The following CHD5 variants were observed in gnomAD, a reference collection of about 807,000 sequenced individuals.
CHD5 encodes ATP-dependent chromatin remodeler CHD5.
Under a neutral mutation model 230.3 loss-of-function variants are expected in CHD5, and 69 were observed. The observed-to-expected ratio is 0.30, with a 90% CI of 0.25 to 0.37. The LOEUF (loss-of-function observed/expected upper bound fraction) is 0.37, where lower values mean the gene tolerates loss of function less well. Among genes scored for constraint, CHD5 ranks in the 10% least tolerant of loss-of-function variants. CHD5 has a pLI of 1.00. For synonymous variants in CHD5, 1,064 were observed against 1,065.9 expected, an observed-to-expected ratio of 1.00 and a Z score of 0.03; for missense variants, 1,827 against 2,622.8, an observed-to-expected ratio of 0.70 and a Z score of 6.63.
chr1:6,147,445 A>G (rs997254416), intron 9 of CHD5, among the ~76,000 whole-genome samples: 2 of 152,146 alleles, frequency 1.3e-5, no homozygotes, highest in African/African-American at 4.8e-5. Flanking sequence ...CCACAGACAC[A>G]CTGCAGGGGC....
intron 33 of CHD5, among the ~76,000 whole-genome samples, chr1:6,120,097 G>A (rs1666445537): frequency 6.6e-6 from 1 of 152,050 alleles, no homozygotes; most frequent in South Asian, 2.1e-4. Flanking sequence ...CTGACCTCAG[G>A]TAATTCACCT....
chr1:6,136,116 G>A (rs1666742891), intron 17 of CHD5, among the ~76,000 whole-genome samples: 1 of 152,180 alleles, frequency 6.6e-6, no homozygotes, highest in African/African-American at 2.4e-5. Context: ...GGAGGTAGGT[G>A]AAGATGAGGG....
Position 6,128,669 on chromosome 1 carries a change from GCAGTGCCCAGAGACA to G in CHD5, c.3620-75_3620-61del. 6.9e-7 allele frequency: 1 copy of G among 1,441,804 alleles called. No individual in the cohort carries two copies. The highest frequency in any genetic ancestry group is 9.7e-7 in the Non-Finnish European group (1 of 1,030,584). The allele number at this position is 1,441,804 out of a possible 1,614,324, so 89.3% of individuals were successfully genotyped here. A position where few individuals can be genotyped will look rare whatever the true frequency, so the allele number is the denominator to read the frequency against. On this transcript the variant is annotated intron_variant, in intron 23 of 41. Coordinates refer to ENST00000262450, the MANE Select transcript of CHD5 (RefSeq NM_015557.3). This position sits in a 1 kb window ranked among gnomAD's most constrained non-coding sequence, Gnocchi z 7.8. ...CCACAGAGGGCTGCAGGGTTGGCGG[GCAGTGCCCAGAGACA>G]CCACCCTGGGCTGTCCTAGCCAGGA...
At chr1:6,152,334 C>T (rs550128786) in intron 6 of CHD5, 78 bp downstream of exon 6, 10 of 1,520,748 alleles carry the variant, frequency 6.6e-6, no homozygotes, top group African/African-American at 5.5e-5. Context: ...TGAAGGCCCT[C>T]GCCTGGCCCT....
At chr1:6,162,593 C>G (rs1667194894) in intron 2 of CHD5, among the ~76,000 whole-genome samples, 1 of 152,094 alleles carries the variant, frequency 6.6e-6, no homozygotes, top group Non-Finnish European at 1.5e-5. Flanking sequence ...CAGAATGACC[C>G]TTTCCCCCTG....
intron 2 of CHD5, among the ~76,000 whole-genome samples, chr1:6,162,282 A>T (rs777705994): frequency 1.1e-4 from 16 of 152,062 alleles, no homozygotes; most frequent in Non-Finnish European, 2.9e-5. Flanking sequence ...GCTACTCAGG[A>T]GGCTGAGGCA....
intron 33 of CHD5, among the ~76,000 whole-genome samples, chr1:6,113,751 AAAG>A (rs1343083843): frequency 1.3e-5 from 2 of 152,178 alleles, no homozygotes; most frequent in Admixed American, 6.5e-5. Flanking sequence ...GGATCAAGGA[AAAG>A]AAGGTCTCCA....
intron 1 of CHD5, among the ~76,000 whole-genome samples, chr1:6,175,420 G>A (rs1035820049): frequency 6.6e-6 from 1 of 151,240 alleles, no homozygotes; most frequent in Non-Finnish European, 1.5e-5. Context: ...ATGAATGGAT[G>A]GATGACGGGT....
intron 33 of CHD5, among the ~76,000 whole-genome samples, chr1:6,113,790 G>A (rs773171608): frequency 3.7e-4 from 56 of 152,182 alleles, no homozygotes; most frequent in Admixed American, 1.4e-3. Flanking sequence ...CCAACGCCTT[G>A]TCCTCGTGGG....
chr1:6,164,577 G>A lies in CHD5; in HGVS notation c.207+3573C>T, dbSNP rs545888555. On this transcript the variant is annotated intron_variant, in intron 2 of 41. Transcript: ENST00000262450. Reference sequence around the variant, plus strand: ...CCACCTGCCCTGGCCCCTTCACCCCGTCATCTTGGAGCCACCTGGTTGGAG... The same window carrying A: ...CCACCTGCCCTGGCCCCTTCACCCCATCATCTTGGAGCCACCTGGTTGGAG... 1.2e-4 allele frequency among the ~76,000 whole-genome samples: 18 copies of A among 152,188 alleles called. No homozygotes were observed. In the East Asian group the frequency reaches 1.7e-3, roughly 15 times the overall value.
Position 6,111,822 on chromosome 1 carries a change from G to A in CHD5, c.5202C>T (p.Asp1734=). The A allele has an allele frequency of 1.2e-6, 2 of 1,613,542 alleles. No homozygotes were observed. Among genetic ancestry groups the A allele is most frequent in the Middle Eastern group, 1.6e-4 (1 of 6,062 alleles). ...AGTAGTCATGGCGCCGGTGCCAGAT[G>A]TCGTAGATTTTCCCAGAGGATACAG... ...RAAVSSGKIY[D]IWHRRHDYWL... The change falls in exon 36 of 42, where the codon GAC becomes GAT. Residue 1734 remains aspartate, a synonymous_variant. Coordinates refer to ENST00000262450, the MANE Select transcript of CHD5 (RefSeq NM_015557.3).
intron 2 of CHD5, among the ~76,000 whole-genome samples, chr1:6,159,763 C>A (rs534464715): frequency 1.8e-4 from 27 of 152,396 alleles, no homozygotes; most frequent in Admixed American, 1.7e-3. Context: ...GTAGAACCTG[C>A]AGGTGAGGCG....
chr1:6,168,308 T>C (rs1667286186), intron 1 of CHD5, 31 bp from the exon 2 acceptor site: 1 of 1,574,498 alleles, frequency 6.4e-7, no homozygotes, highest in African/African-American at 1.4e-5. Flanking sequence ...CAGCAGTTAC[T>C]CCTGAGCTTC....
chr1:6,159,579 C>T, intron 2 of CHD5, 64 bp from the exon 3 acceptor site: 1 of 1,437,056 alleles, frequency 7.0e-7, no homozygotes, highest in South Asian at 1.2e-5. Context: ...TCCTGGGTGG[C>T]AGGACGGCCC....
intron 15 of CHD5, among the ~76,000 whole-genome samples, chr1:6,139,701 C>T (rs1358588796): frequency 6.6e-6 from 1 of 152,308 alleles, no homozygotes; most frequent in Admixed American, 6.5e-5. Context: ...CAGGTGCACA[C>T]CACTGTGCCC....
Position 6,151,091 on chromosome 1 carries a change from C to T in CHD5, c.935G>A (p.Arg312His), listed in dbSNP as rs779247363. Residue 312 changes from arginine to histidine, a missense_variant, in exon 7 of 42, where the codon CGC becomes CAC. Physicochemically the swap from Arg to His is conservative, Grantham distance 29. Around this residue, in one of 14 missense-constraint regions of CHD5, gnomAD observed 657 missense variants for 816.4 expected, o/e 0.80. Transcript: ENST00000262450. ...DSASIHSASV[R>H]SECSAALGKK... ...GCCCAGGGCTGCAGAGCATTCGGAGCGCACGGAGGCACTGTGGATGCTGGC... is the reference window on the plus strand; with the variant it reads ...GCCCAGGGCTGCAGAGCATTCGGAGTGCACGGAGGCACTGTGGATGCTGGC... The T allele has an allele frequency of 8.1e-6, 13 of 1,609,430 alleles. No individual in the cohort carries two copies. Among genetic ancestry groups the T allele is most frequent in the African/African-American group, 1.3e-5 (1 of 74,992 alleles).
At chr1:6,162,479 C>A (rs1362504576) in intron 2 of CHD5, among the ~76,000 whole-genome samples, 1 of 152,118 alleles carries the variant, frequency 6.6e-6, no homozygotes, top group East Asian at 1.9e-4. Flanking sequence ...GGGCTCTGAG[C>A]CAGGGTGGAG....
At chr1:6,168,092 C>A (rs543263983) in intron 2 of CHD5, 58 bp downstream of exon 2, 3 of 1,546,774 alleles carry the variant, frequency 1.9e-6, no homozygotes, top group Non-Finnish European at 2.6e-6. Context: ...TGCGGCCGGG[C>A]AGATGCAGCC....
intron 1 of CHD5, among the ~76,000 whole-genome samples, chr1:6,170,227 G>A (rs568987231): frequency 6.6e-6 from 1 of 151,998 alleles, no homozygotes; most frequent in Non-Finnish European, 1.5e-5. Flanking sequence ...AGACACACTC[G>A]CCACATGCAG....
Sources: gnomAD v4.1 joint callset for allele counts (sites outside exome capture counted in the v4.1 genomes callset) on GRCh38, gnomAD v4.1.1 for gene constraint, gnomAD v4.1.1 regional missense constraint, Gnocchi (gnomAD v3.1) non-coding constraint, MANE v1.5 for transcripts, NCBI Gene and HGNC (gene_info 2026-07-23, HGNC 2026-07-21) for gene names.